Variants in ZNF423 observed in about 807,000 individuals in gnomAD.
ZNF423 encodes zinc finger protein 423.
Under a neutral mutation model 95.8 loss-of-function variants are expected in ZNF423, and 12 were observed. The ratio of observed to expected loss-of-function variants is 0.13; its 90% CI spans 0.08 to 0.20. The LOEUF is 0.20. ZNF423 is among the 10% of genes least tolerant of loss of function. The probability of loss-of-function intolerance (pLI) is 1.00; values close to 1 mark genes in which losing one functional copy is unlikely to be tolerated. For missense variants in ZNF423, 1,316 were observed against 1,737.1 expected (o/e 0.76, Z 4.31); for synonymous variants, 749 against 711.9 (o/e 1.05, Z -0.83).
At chr16:49,553,138 A>G (rs182479221) in intron 5 of ZNF423, among the ~76,000 whole-genome samples, 54 of 152,322 alleles carry the variant, frequency 3.5e-4, no homozygotes, top group South Asian at 1.2e-3. Flanking sequence ...CTGAAGGCAG[A>G]AGGAGCTGGG....
chr16:49,768,465 C>CAA (rs2033970872), intron 2 of ZNF423, among the ~76,000 whole-genome samples: 2 of 152,200 alleles, frequency 1.3e-5, no homozygotes, highest in Non-Finnish European at 2.9e-5. Flanking sequence ...ATCAAGGTCA[C>CAA]GGCACATGTA....
chr16:49,596,825 G>A (rs1033036790), intron 5 of ZNF423, among the ~76,000 whole-genome samples: 1 of 152,222 alleles, frequency 6.6e-6, no homozygotes, highest in Non-Finnish European at 1.5e-5. Flanking sequence ...AGGGCTGTGT[G>A]CTTCCCCACT....
intron 3 of ZNF423, among the ~76,000 whole-genome samples, chr16:49,649,220 A>G (rs778898731): frequency 1.5e-4 from 23 of 152,232 alleles, no homozygotes; most frequent in Non-Finnish European, 1.3e-4. Flanking sequence ...GCCATGAGCC[A>G]TAGTGGATGA....
At chr16:49,501,100 G>A (rs2151660142) in intron 7 of ZNF423, among the ~76,000 whole-genome samples, 1 of 152,298 alleles carries the variant, frequency 6.6e-6, no homozygotes, top group Non-Finnish European at 1.5e-5. Flanking sequence ...AATTCCAGGA[G>A]ATCTGTCTGC....
intron 7 of ZNF423, among the ~76,000 whole-genome samples, chr16:49,522,299 A>G (rs939711817): frequency 1.3e-5 from 2 of 152,170 alleles, no homozygotes; most frequent in African/African-American, 4.8e-5. Flanking sequence ...AGTCAACACA[A>G]TGTGAGAGAA....
chr16:49,526,986 G>T (rs1968636106), intron 5 of ZNF423, among the ~76,000 whole-genome samples: 2 of 152,212 alleles, frequency 1.3e-5, no homozygotes, highest in Admixed American at 1.3e-4. Context: ...GCTCTGATTT[G>T]CCCTTAAAGG....
intron 5 of ZNF423, among the ~76,000 whole-genome samples, chr16:49,572,190 C>T (rs1340048014): frequency 3.3e-5 from 5 of 152,116 alleles, no homozygotes; most frequent in Non-Finnish European, 4.4e-5. Context: ...CTGCAGCTGC[C>T]TGAAATCTGC....
intron 1 of ZNF423, among the ~76,000 whole-genome samples, chr16:49,799,477 T>C (rs1336751054): frequency 6.9e-6 from 1 of 144,080 alleles, no homozygotes; most frequent in African/African-American, 2.5e-5. Context: ...ACTGCTTTCC[T>C]GTTCCCACTA....
At chr16:49,658,293 A>G (rs1481749326) in intron 3 of ZNF423, among the ~76,000 whole-genome samples, 2 of 151,882 alleles carry the variant, frequency 1.3e-5, no homozygotes, top group Non-Finnish European at 2.9e-5. Flanking sequence ...GCCTGGCCAG[A>G]GGCAGGCAGG....
In ZNF423 at chr16:49,855,954, G is replaced by C. The variant is rs1211097150; in HGVS notation, c.-180C>G. 2 of 150,382 alleles carry C rather than the reference G, an allele frequency of 1.3e-5. No individual in the cohort carries two copies. Among genetic ancestry groups the C allele is most frequent in the Non-Finnish European group, 3.0e-5 (2 of 67,442 alleles). 9.3% of individuals were successfully genotyped at this position (150,382 alleles called of 1,614,324 possible). A position where few individuals can be genotyped will look rare whatever the true frequency, so the allele number is the denominator to read the frequency against. On this transcript the variant is annotated 5_prime_UTR_variant, in exon 1 of 8. Transcript: ENST00000563137. This position sits in a 1 kb window ranked among gnomAD's most constrained non-coding sequence, Gnocchi z 4.7. Reference sequence around the variant, plus strand: ...GGTCCGGGGCGGCCTCCCTTGGGGGGGCAGCCCGGGCCGGCCGAGGCCGCT... The same window carrying C: ...GGTCCGGGGCGGCCTCCCTTGGGGGCGCAGCCCGGGCCGGCCGAGGCCGCT...
intron 3 of ZNF423, among the ~76,000 whole-genome samples, chr16:49,705,706 C>A (rs963104789): frequency 2.0e-5 from 3 of 152,148 alleles, no homozygotes; most frequent in Non-Finnish European, 4.4e-5. Flanking sequence ...CACCACCACG[C>A]CAGGCTAATC....
chr16:49,720,160 G>A (rs1438804428), intron 3 of ZNF423, among the ~76,000 whole-genome samples: 2 of 152,246 alleles, frequency 1.3e-5, no homozygotes, highest in African/African-American at 4.8e-5. Context: ...AACACCCAAG[G>A]TGGGGGCACA....
At chr16:49,551,960 G>T (rs985348596) in intron 5 of ZNF423, among the ~76,000 whole-genome samples, 1 of 152,220 alleles carries the variant, frequency 6.6e-6, no homozygotes, top group African/African-American at 2.4e-5. Context: ...GGCCACATGG[G>T]TGTGTGTGCA....
At chr16:49,802,268 C>T (rs905089640) in intron 1 of ZNF423, among the ~76,000 whole-genome samples, 6 of 152,120 alleles carry the variant, frequency 3.9e-5, no homozygotes, top group South Asian at 2.1e-4. Context: ...CACTCTGCCC[C>T]GCTCCCATGA....
At position 49,638,441 on chromosome 16, in the gene ZNF423, C is replaced by A; in HGVS notation, c.735G>T (p.Leu245=). The part of the protein sequence containing the change: ...CKRGFSSTSS[L]QSHMQAHKKN... Reference sequence around the variant, plus strand: ...TTTTGTGGGCCTGCATGTGGCTCTGCAGCGAGCTGGTGGAGGAGAAGCCGC... The same window carrying A: ...TTTTGTGGGCCTGCATGTGGCTCTGAAGCGAGCTGGTGGAGGAGAAGCCGC... Residue 245 remains leucine, a synonymous_variant, in exon 4 of 8, where the codon CTG becomes CTT. Coordinates refer to ENST00000563137, the MANE Select transcript of ZNF423 (RefSeq NM_001379286.1). This position sits in a 1 kb window ranked among gnomAD's most constrained non-coding sequence, Gnocchi z 5.6. 6.2e-7 allele frequency: 1 copy of A among 1,613,916 alleles called. No homozygotes were observed. The highest frequency in any genetic ancestry group is 8.5e-7 in the Non-Finnish European group (1 of 1,180,042).
chr16:49,778,896 G>A (rs1042747779), intron 2 of ZNF423, among the ~76,000 whole-genome samples: 21 of 152,166 alleles, frequency 1.4e-4, no homozygotes, highest in African/African-American at 2.7e-4. Flanking sequence ...CGGATTTCCC[G>A]TGCCATCCTC....
At chr16:49,755,553 C>T (rs776544683) in intron 2 of ZNF423, among the ~76,000 whole-genome samples, 1 of 152,080 alleles carries the variant, frequency 6.6e-6, no homozygotes, top group African/African-American at 2.4e-5. Flanking sequence ...ATTGTGGCTG[C>T]GGTAATTAAG....
intron 5 of ZNF423, among the ~76,000 whole-genome samples, chr16:49,540,210 C>T (rs1457080208): frequency 6.6e-6 from 1 of 152,234 alleles, no homozygotes; most frequent in African/African-American, 2.4e-5. Flanking sequence ...GTCCTGCATA[C>T]TAAGGAATTT....
At chr16:49,823,748 C>T (rs1410633213) in intron 1 of ZNF423, among the ~76,000 whole-genome samples, 1 of 152,094 alleles carries the variant, frequency 6.6e-6, no homozygotes, top group Non-Finnish European at 1.5e-5. Context: ...CACACACACA[C>T]ATACACACTT....
Sources: allele counts gnomAD v4.1 joint callset (sites outside exome capture counted in the v4.1 genomes callset), GRCh38; gene constraint gnomAD v4.1.1; non-coding constraint Gnocchi (gnomAD v3.1); transcripts MANE v1.5; gene names NCBI Gene and HGNC (gene_info 2026-07-23, HGNC 2026-07-21).